Variants in RBFOX1 observed in about 807,000 individuals in gnomAD.
RBFOX1 encodes the protein RNA binding fox-1 homolog 1.
In RBFOX1, 8 loss-of-function variants were observed where a neutral mutation model predicts 57.7. That is an observed-to-expected ratio of 0.14 (90% CI 0.08 to 0.25). The LOEUF (loss-of-function observed/expected upper bound fraction) is 0.25, where lower values mean the gene tolerates loss of function less well. RBFOX1 is among the 10% of genes least tolerant of loss of function. RBFOX1 has a pLI of 1.00. For synonymous variants in RBFOX1, 326 were observed against 222.4 expected (o/e 1.47, Z -4.15); for missense variants, 611 against 548.5 (o/e 1.11, Z -1.14).
At chr16:7,014,219 G>A (rs2093791303) in intron 3 of RBFOX1, among the ~76,000 whole-genome samples, 1 of 151,224 alleles carries the variant, frequency 6.6e-6, no homozygotes, top group Non-Finnish European at 1.5e-5. Context: ...TGAAGGTTTT[G>A]TTTGTTTTTG....
chr16:6,023,061 T>A (rs1204243405), intron 1 of RBFOX1, among the ~76,000 whole-genome samples: 2 of 151,934 alleles, frequency 1.3e-5, no homozygotes, highest in Non-Finnish European at 2.9e-5. Context: ...GCCAGGGAAA[T>A]GAGGATTTGC....
At chr16:5,755,467 G>C (rs2053359628) in intron 3 of RBFOX1, among the ~76,000 whole-genome samples, 1 of 152,172 alleles carries the variant, frequency 6.6e-6, no homozygotes, top group Non-Finnish European at 1.5e-5. Context: ...GATGGCATGT[G>C]GCTGTTGAGT....
At chr16:7,273,837 CTCTT>C (rs1278821227) in intron 4 of RBFOX1, among the ~76,000 whole-genome samples, 1 of 152,172 alleles carries the variant, frequency 6.6e-6, no homozygotes, top group Non-Finnish European at 1.5e-5. Flanking sequence ...TTGCCTTTCT[CTCTT>C]TCTGTCTGCT....
chr16:6,793,398 A>G (rs1394963024), intron 3 of RBFOX1, among the ~76,000 whole-genome samples: 1 of 152,074 alleles, frequency 6.6e-6, no homozygotes, highest in African/African-American at 2.4e-5. Flanking sequence ...TCACTGCAGG[A>G]GGGTGGGACA....
rs913984237 is a variant in RBFOX1 at position 5,912,022 on chromosome 16, A to G, written c.351+44687A>G. ...AGACCAAAGGAGAACCTCTAAAATA[A>G]TGATCCACTGATTCATCCATCCTCA... On this transcript the variant is annotated intron_variant, in intron 4 of 19. Coordinates refer to the RBFOX1 transcript ENST00000641259. 3.3e-5 allele frequency among the ~76,000 whole-genome samples: 5 copies of G among 152,290 alleles called. No homozygotes were observed. In the South Asian group the frequency reaches 1.0e-3, roughly 32 times the overall value.
At chr16:5,464,457 G>C (rs1250311467) in intron 1 of RBFOX1, among the ~76,000 whole-genome samples, 1 of 152,264 alleles carries the variant, frequency 6.6e-6, no homozygotes, top group Non-Finnish European at 1.5e-5. Context: ...AGAGTCACTG[G>C]AGAGCATTCT....
At chr16:7,225,159 C>T (rs543825899) in intron 4 of RBFOX1, among the ~76,000 whole-genome samples, 2 of 152,304 alleles carry the variant, frequency 1.3e-5, no homozygotes, top group African/African-American at 4.8e-5. Context: ...AATCCATGGT[C>T]ACCCTAGGAC....
chr16:5,435,762 C>G (rs998065479), intron 1 of RBFOX1, among the ~76,000 whole-genome samples: 8 of 152,348 alleles, frequency 5.3e-5, no homozygotes, highest in African/African-American at 9.6e-5. Flanking sequence ...ATTGCTTTAT[C>G]TATGTCACTA....
intron 3 of RBFOX1, among the ~76,000 whole-genome samples, chr16:5,630,840 G>A (rs187469917): frequency 2.7e-4 from 41 of 152,282 alleles, no homozygotes; most frequent in African/African-American, 8.9e-4. Context: ...CATTTCAGAG[G>A]GGAGCAACTT....
At chr16:6,950,835 T>A (rs1435064432) in intron 3 of RBFOX1, among the ~76,000 whole-genome samples, 1 of 152,092 alleles carries the variant, frequency 6.6e-6, no homozygotes, top group Admixed American at 6.6e-5. Flanking sequence ...CTTCCTCAGC[T>A]CTTTCTTTTT....
At chr16:6,706,893 G>T (rs560136550) in intron 3 of RBFOX1, among the ~76,000 whole-genome samples, 2 of 152,026 alleles carry the variant, frequency 1.3e-5, no homozygotes, top group South Asian at 4.2e-4. Flanking sequence ...GAGAACTCCT[G>T]TTTTTTGCAA....
chr16:5,385,702 C>A (rs58980642), intron 1 of RBFOX1, among the ~76,000 whole-genome samples: 1,798 of 152,294 alleles, frequency 0.012, 35 homozygotes, highest in African/African-American at 0.041. Context: ...AATTTTGTAG[C>A]CTCTGCTCAG....
intron 3 of RBFOX1, among the ~76,000 whole-genome samples, chr16:5,786,773 T>C (rs755045046): frequency 6.6e-6 from 1 of 152,112 alleles, no homozygotes; most frequent in Non-Finnish European, 1.5e-5. Flanking sequence ...CTTAATGAGA[T>C]GACAGTGAGA....
intron 3 of RBFOX1, among the ~76,000 whole-genome samples, chr16:6,786,408 A>G (rs964946775): frequency 4.6e-5 from 7 of 152,192 alleles, no homozygotes; most frequent in African/African-American, 1.7e-4. Context: ...GGCTTCATGC[A>G]TCATTTTTCA....
chr16:7,485,475 C>T (rs1286652613), intron 4 of RBFOX1, among the ~76,000 whole-genome samples: 1 of 152,200 alleles, frequency 6.6e-6, no homozygotes, highest in African/African-American at 2.4e-5. Flanking sequence ...CAACCTCCCA[C>T]ATGTGCTTTT....
chr16:7,226,417 G>T (rs757697928), intron 4 of RBFOX1, among the ~76,000 whole-genome samples: 6 of 152,214 alleles, frequency 3.9e-5, no homozygotes, highest in Non-Finnish European at 5.9e-5. Flanking sequence ...CAGGCCCTCA[G>T]TTAAAAGAGT....
rs908522014 is a variant in RBFOX1, at chr16:7,304,288, A to C, written c.28-213859A>C. ...GTCATTGACTTAGATAACCAGCAAA[A>C]TTAAAAAAGAAAAAAAAAAATTGTA... On this transcript the variant is annotated intron_variant, in intron 4 of 15. Coordinates refer to ENST00000550418, the MANE Select transcript of RBFOX1 (RefSeq NM_018723.4). 12 of 984,726 alleles carry C rather than the reference A, an allele frequency of 1.2e-5. No individual in the cohort carries two copies. In the African/African-American group the frequency reaches 2.1e-4, roughly 17 times the overall value. 61.0% of individuals were successfully genotyped at this position (984,726 alleles called of 1,614,324 possible).
intron 4 of RBFOX1, among the ~76,000 whole-genome samples, chr16:5,924,431 C>T (rs1045334006): frequency 2.6e-5 from 4 of 152,130 alleles, no homozygotes; most frequent in African/African-American, 7.2e-5. Context: ...TCCTCCCTGG[C>T]AGGGGAATGC....
intron 2 of RBFOX1, among the ~76,000 whole-genome samples, chr16:5,520,014 G>T (rs2043949126): frequency 6.6e-6 from 1 of 152,212 alleles, no homozygotes; most frequent in African/African-American, 2.4e-5. Context: ...TATTAAAGGA[G>T]TAAACTGATA....
Sources: gnomAD v4.1 joint callset for allele counts (sites outside exome capture counted in the v4.1 genomes callset) on GRCh38, gnomAD v4.1.1 for gene constraint, MANE v1.5 for transcripts, NCBI Gene and HGNC (gene_info 2026-07-23, HGNC 2026-07-21) for gene names.